The following GSTCD variants were observed in gnomAD, a reference collection of about 807,000 sequenced individuals.
GSTCD encodes the protein glutathione S-transferase C-terminal domain-containing protein.
In GSTCD, 44 loss-of-function variants were observed where a neutral mutation model predicts 68.3. That is an observed-to-expected ratio of 0.64 (90% CI 0.51 to 0.83). GSTCD has a LOEUF of 0.83. Among genes scored for constraint, GSTCD ranks in the 40% least tolerant of loss-of-function variants. The probability of loss-of-function intolerance (pLI) is 0.00; values close to 1 mark genes in which losing one functional copy is unlikely to be tolerated. For missense variants in GSTCD, 739 were observed against 735.9 expected (o/e 1.00, Z -0.05); for synonymous variants, 273 against 255.2 (o/e 1.07, Z -0.67).
In GSTCD at chr4:105,763,495, C is replaced by T. The variant is rs186427048; in HGVS notation, c.1240+33996C>T. On this transcript the variant is annotated intron_variant, in intron 5 of 11. Coordinates refer to ENST00000515279, the MANE Select transcript of GSTCD (RefSeq NM_001370181.1). ...GAAATTAGGTTATTTGCACAAGGTCCCACAACTAGTAAAACGCAGAGTTGA... is the reference window on the plus strand; with the variant it reads ...GAAATTAGGTTATTTGCACAAGGTCTCACAACTAGTAAAACGCAGAGTTGA... 4.6e-5 allele frequency among the ~76,000 whole-genome samples: 7 copies of T among 152,230 alleles called. No homozygotes were observed. In the East Asian group the frequency reaches 1.2e-3, roughly 25 times the overall value.
Position 105,843,731 on chromosome 4 carries a change from C to A in GSTCD, c.1765+1597C>A, listed in dbSNP as rs540554600. Among the ~76,000 whole-genome samples, 22 of 152,304 alleles carry A rather than the reference C, an allele frequency of 1.4e-4. No individual in the cohort carries two copies. In the South Asian group the frequency reaches 4.6e-3, roughly 32 times the overall value. ...TCACATTAGGCCCCACTTCCTAACA[C>A]TGTTGCATTGCAGATTCAGTTTCCA... is the stretch of plus-strand genomic sequence containing the variant. On this transcript the variant is annotated intron_variant, in intron 11 of 11. Coordinates refer to ENST00000515279, the MANE Select transcript of GSTCD (RefSeq NM_001370181.1).
chr4:105,823,043 A>T lies in GSTCD; in HGVS notation c.1330A>T (p.Arg444Ter). 1 of 1,613,814 alleles carries T rather than the reference A, an allele frequency of 6.2e-7. No individual in the cohort carries two copies. The highest frequency in any genetic ancestry group is 8.5e-7 in the Non-Finnish European group (1 of 1,179,726). Residue 444 changes from arginine (R) to a stop codon, truncating the protein, a stop_gained, in exon 6 of 12, where the codon AGA becomes TGA. Coordinates refer to ENST00000515279, the MANE Select transcript of GSTCD (RefSeq NM_001370181.1). LOFTEE classifies it high-confidence loss of function. ...AACAAATCAGGCCAAACCTGGTGAC[A>T]GAATTGTGGATTTCTGCAGCGGTGG... ...VVTNQAKPGD[R>*]IVDFCSGGGH...
intron 5 of GSTCD, among the ~76,000 whole-genome samples, chr4:105,794,177 C>T (rs147994341): frequency 7.9e-5 from 12 of 152,026 alleles, no homozygotes; most frequent in African/African-American, 2.2e-4. Flanking sequence ...ACAGTAAAAG[C>T]ACATCTTAAC....
chr4:105,787,751 A>C (rs1275865102), intron 5 of GSTCD, among the ~76,000 whole-genome samples: 8 of 152,204 alleles, frequency 5.3e-5, no homozygotes, highest in Non-Finnish European at 1.0e-4. Flanking sequence ...ATTCAATAAA[A>C]TAGAAATGTT....
At chr4:105,740,395 G>C (rs542147591) in intron 5 of GSTCD, among the ~76,000 whole-genome samples, 1 of 152,210 alleles carries the variant, frequency 6.6e-6, no homozygotes, top group Admixed American at 6.5e-5. Flanking sequence ...GGAATGGGCG[G>C]GTGGAGACCA....
chr4:105,777,807 A>G (rs938009863), intron 5 of GSTCD, among the ~76,000 whole-genome samples: 20 of 152,318 alleles, frequency 1.3e-4, no homozygotes, highest in African/African-American at 4.8e-4. Flanking sequence ...TAACACACTT[A>G]GTACCATGCT....
chr4:105,816,295 A>G (rs1344776635), intron 5 of GSTCD, among the ~76,000 whole-genome samples: 1 of 152,104 alleles, frequency 6.6e-6, no homozygotes, highest in Non-Finnish European at 1.5e-5. Flanking sequence ...ATCTATTTTC[A>G]TTTCTTTCCT....
At chr4:105,738,279 T>C (rs980790467) in intron 5 of GSTCD, among the ~76,000 whole-genome samples, 3 of 152,228 alleles carry the variant, frequency 2.0e-5, no homozygotes, top group African/African-American at 4.8e-5. Context: ...CCACACTATT[T>C]TGGTTATTAT....
At chr4:105,845,391 T>C in intron 11 of GSTCD, 50 bp from the exon 12 acceptor site, 1 of 1,609,620 alleles carries the variant, frequency 6.2e-7, no homozygotes. Context: ...AAACTGAAAC[T>C]GTCCTGCTAG....
chr4:105,769,767 T>C (rs79533432), intron 5 of GSTCD, among the ~76,000 whole-genome samples: 2 of 152,236 alleles, frequency 1.3e-5, no homozygotes, highest in East Asian at 3.9e-4. Flanking sequence ...TTATTTTATT[T>C]ATTTTTGAGA....
At chr4:105,788,962 C>T (rs569216401) in intron 5 of GSTCD, among the ~76,000 whole-genome samples, 4 of 152,054 alleles carry the variant, frequency 2.6e-5, no homozygotes, top group Non-Finnish European at 5.9e-5. Flanking sequence ...AGACTGTTTT[C>T]CTAGGTTTTC....
chr4:105,733,206 G>C (rs543773538), intron 5 of GSTCD, among the ~76,000 whole-genome samples: 1 of 152,108 alleles, frequency 6.6e-6, no homozygotes. Context: ...TATTTGGTTT[G>C]CTTGGTGTGG....
chr4:105,798,002 A>C (rs1010145468), intron 5 of GSTCD, among the ~76,000 whole-genome samples: 1 of 152,008 alleles, frequency 6.6e-6, no homozygotes, highest in African/African-American at 2.4e-5. Flanking sequence ...AGAACTTCTA[A>C]AATTGGAGTC....
chr4:105,822,701 TG>T (rs1363423257), intron 5 of GSTCD, among the ~76,000 whole-genome samples: 6 of 152,152 alleles, frequency 3.9e-5, no homozygotes, highest in Non-Finnish European at 8.8e-5. Flanking sequence ...TTCCTTTCAA[TG>T]GCTATTGAAG....
chr4:105,826,319 T>A (rs190408196), intron 8 of GSTCD, among the ~76,000 whole-genome samples: 1 of 152,244 alleles, frequency 6.6e-6, no homozygotes, highest in East Asian at 1.9e-4. Context: ...TTATTTGATA[T>A]TATGAAAAAT....
At chr4:105,789,725 G>C (rs1393923673) in intron 5 of GSTCD, among the ~76,000 whole-genome samples, 3 of 151,904 alleles carry the variant, frequency 2.0e-5, no homozygotes, top group Admixed American at 2.0e-4. Flanking sequence ...ACTAGGTTCA[G>C]CCTATAATGA....
intron 5 of GSTCD, among the ~76,000 whole-genome samples, chr4:105,786,581 G>T (rs985205969): frequency 6.8e-6 from 1 of 147,982 alleles, no homozygotes; most frequent in Non-Finnish European, 1.5e-5. Flanking sequence ...GACTATTATG[G>T]CAAATTATAT....
At chr4:105,738,974 T>A (rs1008140663) in intron 5 of GSTCD, among the ~76,000 whole-genome samples, 6 of 152,218 alleles carry the variant, frequency 3.9e-5, no homozygotes, top group Non-Finnish European at 5.9e-5. Flanking sequence ...AGCTATGGGT[T>A]TGACATAAGA....
Position 105,823,053 on chromosome 4 carries a change from A to T in GSTCD, c.1340A>T (p.Asp447Val). ...NQAKPGDRIVDFCSGGGHVGI... is the reference protein window; with the variant it reads ...NQAKPGDRIVVFCSGGGHVGI... Reference sequence around the variant, plus strand: ...GCCAAACCTGGTGACAGAATTGTGGATTTCTGCAGCGGTGGGGTATTTTAT... The same window carrying T: ...GCCAAACCTGGTGACAGAATTGTGGTTTTCTGCAGCGGTGGGGTATTTTAT... The change falls in exon 6 of 12, where the codon GAT becomes GTT. Residue 447 changes from aspartate to valine, a missense_variant. Asp to Val is a radical substitution (Grantham distance 152). Transcript: ENST00000515279. The T allele has an allele frequency of 6.2e-7, 1 of 1,613,526 alleles. No individual in the cohort carries two copies. The highest frequency in any genetic ancestry group is 8.5e-7 in the Non-Finnish European group (1 of 1,179,524).
Sources: allele counts gnomAD v4.1 joint callset (sites outside exome capture counted in the v4.1 genomes callset), GRCh38; gene constraint gnomAD v4.1.1; transcripts MANE v1.5; gene names NCBI Gene and HGNC (gene_info 2026-07-23, HGNC 2026-07-21).